Variants in RBFOX1 observed in about 807,000 individuals in gnomAD.
RBFOX1 encodes RNA binding fox-1 homolog 1.
Under a neutral mutation model 57.7 loss-of-function variants are expected in RBFOX1, and 8 were observed. That is an observed-to-expected ratio of 0.14 (90% confidence interval 0.08 to 0.25). The LOEUF (loss-of-function observed/expected upper bound fraction) is 0.25, where lower values mean the gene tolerates loss of function less well. Among genes scored for constraint, RBFOX1 ranks in the 10% least tolerant of loss-of-function variants. The probability of loss-of-function intolerance (pLI) is 1.00; values close to 1 mark genes in which losing one functional copy is unlikely to be tolerated. For synonymous variants in RBFOX1, 326 were observed against 222.4 expected, an observed-to-expected ratio of 1.47 and a Z score of -4.15; for missense variants, 611 against 548.5, an observed-to-expected ratio of 1.11 and a Z score of -1.14.
chr16:7,499,721 A>T (rs1532921), intron 4 of RBFOX1, among the ~76,000 whole-genome samples: 1 of 151,850 alleles, frequency 6.6e-6, no homozygotes, highest in South Asian at 2.1e-4. Context: ...ACAACTCAAC[A>T]TATATTAAGG....
intron 1 of RBFOX1, among the ~76,000 whole-genome samples, chr16:5,354,271 GA>G (rs1336495633): frequency 6.6e-6 from 1 of 152,194 alleles, no homozygotes; most frequent in Non-Finnish European, 1.5e-5. Flanking sequence ...TTTTCTTGAA[GA>G]GAACTGTATT....
intron 3 of RBFOX1, among the ~76,000 whole-genome samples, chr16:6,801,336 C>G (rs960722034): frequency 1.3e-5 from 2 of 152,078 alleles, no homozygotes; most frequent in Admixed American, 6.5e-5. Flanking sequence ...ATACAAGGCT[C>G]TTGGTAATGG....
intron 3 of RBFOX1, among the ~76,000 whole-genome samples, chr16:6,949,046 C>G (rs946170380): frequency 6.6e-6 from 1 of 152,044 alleles, no homozygotes; most frequent in African/African-American, 2.4e-5. Context: ...GAGTGTGATT[C>G]GTAAAAGGGA....
chr16:6,598,364 C>G (rs921087453), intron 2 of RBFOX1, among the ~76,000 whole-genome samples: 6 of 152,090 alleles, frequency 3.9e-5, no homozygotes, highest in African/African-American at 1.2e-4. Context: ...TTAATACTCT[C>G]CTATTAGTAG....
chr16:5,556,812 C>T (rs1362499478), intron 2 of RBFOX1, among the ~76,000 whole-genome samples: 1 of 152,180 alleles, frequency 6.6e-6, no homozygotes, highest in African/African-American at 2.4e-5. Context: ...AAGTTTGAGG[C>T]CACAGTATTT....
At chr16:6,094,378 A>G (rs760585983) in intron 1 of RBFOX1, among the ~76,000 whole-genome samples, 1 of 152,214 alleles carries the variant, frequency 6.6e-6, no homozygotes, top group Non-Finnish European at 1.5e-5. Context: ...ACAAGGAGGC[A>G]TTTAGGCAAA....
intron 3 of RBFOX1, among the ~76,000 whole-genome samples, chr16:6,943,727 A>T (rs2078973027): frequency 6.7e-6 from 1 of 148,968 alleles, no homozygotes; most frequent in Non-Finnish European, 1.5e-5. Context: ...AAAAAAAAAA[A>T]GTATTCGCCT....
intron 3 of RBFOX1, among the ~76,000 whole-genome samples, chr16:6,972,084 T>C (rs80356271): frequency 1.1e-4 from 17 of 152,274 alleles, no homozygotes; most frequent in East Asian, 3.9e-4. Context: ...ATTACAGCAT[T>C]TTTTTCCCAT....
chr16:6,925,881 C>T (rs185830248), intron 3 of RBFOX1, among the ~76,000 whole-genome samples: 1 of 152,178 alleles, frequency 6.6e-6, no homozygotes, highest in Non-Finnish European at 1.5e-5. Context: ...TTACATTTCT[C>T]TATGTAATTT....
Position 5,921,864 on chromosome 16 carries a change from C to A in RBFOX1, c.351+54529C>A, listed in dbSNP as rs1412226190. Among the ~76,000 whole-genome samples, 3 of 151,898 alleles carry A rather than the reference C, an allele frequency of 2.0e-5. No individual in the cohort carries two copies. The East Asian group carries it at 5.9e-4, about 30-fold the overall frequency. On this transcript the variant is annotated intron_variant, in intron 4 of 19. Transcript: ENST00000641259. ...GGAGGAGCCAGGCTCTTTTAACAACCAGATAGGCCAGGTGTGGTGGCTTAG... is the reference window on the plus strand; with the variant it reads ...GGAGGAGCCAGGCTCTTTTAACAACAAGATAGGCCAGGTGTGGTGGCTTAG...
intron 4 of RBFOX1, among the ~76,000 whole-genome samples, chr16:7,505,899 T>C (rs1259426065): frequency 1.3e-5 from 2 of 151,928 alleles, no homozygotes; most frequent in African/African-American, 4.8e-5. Flanking sequence ...AAGAGATAAT[T>C]TTCTGGCCAG....
At chr16:6,965,460 C>A (rs1304372100) in intron 3 of RBFOX1, among the ~76,000 whole-genome samples, 1 of 152,062 alleles carries the variant, frequency 6.6e-6, no homozygotes, top group Non-Finnish European at 1.5e-5. Context: ...CCTAAACCTC[C>A]CCAGTAGCTG....
At chr16:5,371,812 T>C (rs1440151558) in intron 1 of RBFOX1, among the ~76,000 whole-genome samples, 1 of 152,206 alleles carries the variant, frequency 6.6e-6, no homozygotes, top group South Asian at 2.1e-4. Context: ...CAGATACCCA[T>C]GCTCCCACCT....
At chr16:6,020,033 C>A in intron 1 of RBFOX1, 41 bp downstream of exon 1, 1 of 1,447,536 alleles carries the variant, frequency 6.9e-7, no homozygotes, top group Non-Finnish European at 9.2e-7. Flanking sequence ...CCCACCCTGA[C>A]CTGGTGGGTC....
intron 4 of RBFOX1, among the ~76,000 whole-genome samples, chr16:5,881,924 G>C (rs1056676025): frequency 6.6e-6 from 1 of 152,154 alleles, no homozygotes; most frequent in African/African-American, 2.4e-5. Flanking sequence ...CAGTAGCAGT[G>C]GTAGCAGCAG....
chr16:6,680,981 A>T (rs2058564520), intron 3 of RBFOX1, among the ~76,000 whole-genome samples: 1 of 152,212 alleles, frequency 6.6e-6, no homozygotes, highest in African/African-American at 2.4e-5. Flanking sequence ...AGTTCGTAGA[A>T]AACTTCAAAT....
At chr16:7,659,085 G>C (rs1285547088) in intron 12 of RBFOX1, among the ~76,000 whole-genome samples, 1 of 152,148 alleles carries the variant, frequency 6.6e-6, no homozygotes, top group African/African-American at 2.4e-5. Flanking sequence ...TTTTGGTCTT[G>C]TTCTCTAGGT....
At chr16:7,464,886 A>T (rs112872107) in intron 4 of RBFOX1, among the ~76,000 whole-genome samples, 256 of 150,676 alleles carry the variant, frequency 1.7e-3, no homozygotes, top group African/African-American at 5.9e-3. Context: ...TTTAGTAGAG[A>T]CGGGGTTTCA....
At chr16:6,158,667 A>G (rs1229465835) in intron 1 of RBFOX1, among the ~76,000 whole-genome samples, 1 of 152,224 alleles carries the variant, frequency 6.6e-6, no homozygotes, top group Non-Finnish European at 1.5e-5. Flanking sequence ...AGAAAAAGTC[A>G]GACAAAAGTC....
Sources: gnomAD v4.1 joint callset for allele counts (sites outside exome capture counted in the v4.1 genomes callset) on GRCh38, gnomAD v4.1.1 for gene constraint, MANE v1.5 for transcripts, NCBI Gene and HGNC (gene_info 2026-07-23, HGNC 2026-07-21) for gene names.